The following DNAH8 variants were observed in gnomAD, a reference collection of about 807,000 sequenced individuals.
DNAH8 encodes axonemal beta dynein heavy chain 8.
DNAH8 carries 382 observed loss-of-function variants against 562.1 expected under a neutral mutation model. That is an observed-to-expected ratio of 0.68 (90% confidence interval 0.63 to 0.74). The LOEUF is 0.74. Among genes scored for constraint, DNAH8 ranks in the 30% least tolerant of loss-of-function variants. DNAH8 has a pLI of 0.00. For missense variants in DNAH8, 5,203 were observed against 5,620.4 expected, an observed-to-expected ratio of 0.93 and a Z score of 2.37; for synonymous variants, 1,881 against 1,919.4, an observed-to-expected ratio of 0.98 and a Z score of 0.52.
intron 7 of DNAH8, among the ~76,000 whole-genome samples, chr6:38,740,299 C>T (rs979392555): frequency 6.6e-6 from 1 of 152,124 alleles, no homozygotes; most frequent in African/African-American, 2.4e-5. Context: ...GAGAAAACTG[C>T]CATCTTTGTA....
chr6:38,784,390 T>C (rs1458159738), intron 17 of DNAH8, among the ~76,000 whole-genome samples: 1 of 152,182 alleles, frequency 6.6e-6, no homozygotes, highest in East Asian at 1.9e-4. Flanking sequence ...CTACCCCCAA[T>C]ACCCTTTCTC....
chr6:38,855,973 G>A (rs1454441972), intron 41 of DNAH8, among the ~76,000 whole-genome samples: 4 of 152,128 alleles, frequency 2.6e-5, no homozygotes, highest in Non-Finnish European at 5.9e-5. Flanking sequence ...TGTGACCCCC[G>A]TCCATGGAAA....
At chr6:38,925,328 TA>T (rs1782031245) in intron 73 of DNAH8, among the ~76,000 whole-genome samples, 7 of 133,620 alleles carry the variant, frequency 5.2e-5, no homozygotes, top group African/African-American at 1.8e-4. Context: ...TATTTTATTT[TA>T]TTTTATTTTA....
chr6:38,748,537 C>T (rs919904560), intron 8 of DNAH8, among the ~76,000 whole-genome samples: 39 of 152,060 alleles, frequency 2.6e-4, no homozygotes, highest in Non-Finnish European at 2.4e-4. Context: ...TTCATGCTCT[C>T]TTCATCTCTG....
Position 38,990,185 on chromosome 6 carries a change from C to A in DNAH8, c.13214+13C>A. 2 of 1,576,266 alleles carry A rather than the reference C, an allele frequency of 1.3e-6. No homozygotes were observed. The highest frequency in any genetic ancestry group is 2.7e-5 in the African/African-American group (2 of 73,378). On this transcript the variant is annotated intron_variant, in intron 88 of 92. Coordinates refer to ENST00000327475, the MANE Select transcript of DNAH8 (RefSeq NM_001206927.2). ...ATGCTGATATCACGTAAGTCCCTGG[C>A]ATTTTTTAATTTGAAGGGGTCATTT...
Position 38,868,145 on chromosome 6 carries a change from T to C in DNAH8, c.6777T>C (p.Ser2259=). The C allele has an allele frequency of 1.9e-6, 3 of 1,613,794 alleles. No homozygotes were observed. Among genetic ancestry groups the C allele is most frequent in the Middle Eastern group, 3.3e-4 (2 of 6,060 alleles). The stretch of plus-strand genomic sequence containing the variant: ...AAAAAAGAGCCAGACCAGAAGATAG[T>C]GAATTAAGCATTGTCATGAGAGGAC... The part of the protein sequence containing the change: ...GSQKRARPED[S]ELSIVMRGLR... Residue 2259 remains serine, a synonymous_variant, in exon 48 of 93, where the codon AGT becomes AGC. Transcript: ENST00000327475.
chr6:38,728,233 G>C (rs563267928), intron 3 of DNAH8, among the ~76,000 whole-genome samples: 4 of 152,262 alleles, frequency 2.6e-5, no homozygotes, highest in African/African-American at 9.6e-5. Context: ...CTCTCAAAGT[G>C]CTGGGATTAC....
chr6:38,969,243 A>T (rs527648386), intron 82 of DNAH8, among the ~76,000 whole-genome samples: 2 of 152,274 alleles, frequency 1.3e-5, no homozygotes, highest in Admixed American at 1.3e-4. Context: ...TAAAGTATAC[A>T]CTTTATAATG....
At chr6:38,901,875 G>T (rs896266388) in intron 62 of DNAH8, among the ~76,000 whole-genome samples, 1 of 152,104 alleles carries the variant, frequency 6.6e-6, no homozygotes, top group African/African-American at 2.4e-5. Flanking sequence ...AAATCGGGAG[G>T]TTTCATGTTT....
intron 28 of DNAH8, among the ~76,000 whole-genome samples, chr6:38,824,255 G>C (rs940413661): frequency 6.6e-6 from 1 of 152,158 alleles, no homozygotes; most frequent in African/African-American, 2.4e-5. Flanking sequence ...TCTCATACAG[G>C]GTGTCTGGGC....
intron 57 of DNAH8, among the ~76,000 whole-genome samples, chr6:38,889,151 A>G (rs887594762): frequency 6.6e-6 from 1 of 152,236 alleles, no homozygotes; most frequent in Non-Finnish European, 1.5e-5. Context: ...AAACTGGATA[A>G]ATACATCCTG....
At chr6:38,960,395 T>C (rs1762531465) in intron 82 of DNAH8, among the ~76,000 whole-genome samples, 2 of 142,106 alleles carry the variant, frequency 1.4e-5, no homozygotes, top group African/African-American at 5.1e-5. Context: ...GCAGAATATA[T>C]AAGTAACACA....
intron 87 of DNAH8, among the ~76,000 whole-genome samples, chr6:38,989,395 T>TAACA (rs1764631174): frequency 6.6e-6 from 1 of 152,220 alleles, no homozygotes; most frequent in Non-Finnish European, 1.5e-5. Flanking sequence ...ACTGTTTTGT[T>TAACA]AAAGATAATT....
intron 82 of DNAH8, among the ~76,000 whole-genome samples, chr6:38,960,999 G>T (rs188802968): frequency 6.6e-6 from 1 of 152,042 alleles, no homozygotes; most frequent in Admixed American, 6.5e-5. Flanking sequence ...ATACTATTCA[G>T]CCATAAAAAA....
rs532085688 is a variant in DNAH8, at chr6:38,797,222, C to T, written c.2901+5548C>T. Among the ~76,000 whole-genome samples the T allele has an allele frequency of 2.6e-5, 4 of 152,218 alleles. No individual in the cohort carries two copies. The East Asian group carries it at 7.8e-4, about 29-fold the overall frequency. On this transcript the variant is annotated intron_variant, in intron 21 of 92. Coordinates refer to ENST00000327475, the MANE Select transcript of DNAH8 (RefSeq NM_001206927.2). Reference sequence around the variant, plus strand: ...CAGCCTAGCCAACATGGCAAAGCCCCATCTCTACTAAAAGTATAAAAATTA... The same window carrying T: ...CAGCCTAGCCAACATGGCAAAGCCCTATCTCTACTAAAAGTATAAAAATTA...
intron 57 of DNAH8, among the ~76,000 whole-genome samples, chr6:38,890,348 G>GT (rs1779256207): frequency 6.6e-6 from 1 of 152,210 alleles, no homozygotes; most frequent in Admixed American, 6.5e-5. Flanking sequence ...TGCAAGCTGT[G>GT]TAACTTTGAG....
intron 82 of DNAH8, among the ~76,000 whole-genome samples, chr6:38,952,113 C>T (rs892904447): frequency 1.2e-4 from 19 of 152,192 alleles, no homozygotes; most frequent in Admixed American, 3.9e-4. Flanking sequence ...CAGAGCTACT[C>T]GGATTGCCTG....
chr6:38,973,769 A>G lies in DNAH8; in HGVS notation c.12634A>G (p.Ile4212Val), dbSNP rs922053613. 1.9e-6 allele frequency: 3 copies of G among 1,611,366 alleles called. No individual in the cohort carries two copies. The highest frequency in any genetic ancestry group is 2.5e-6 in the Non-Finnish European group (3 of 1,178,972). ...CAGTGATGATTCTTTCCGAGTATGG[A>G]TAACTACGGAGCCCCATGATCGATT... ...EASDDSFRVW[I>V]TTEPHDRFPI... Residue 4212 changes from isoleucine (I) to valine (V), a missense_variant, in exon 84 of 93, where the codon ATA (isoleucine) becomes GTA (valine). Ile to Val is a conservative substitution (Grantham distance 29). This residue lies in a region of DNAH8 where 1,399 missense variants were observed against 1,518.4 expected (regional missense o/e 0.92). Transcript: ENST00000327475.
At chr6:38,866,960 T>C (rs866053041) in intron 47 of DNAH8, 84 bp downstream of exon 47, 23 of 725,550 alleles carry the variant, frequency 3.2e-5, no homozygotes, top group South Asian at 3.0e-4. Flanking sequence ...TACTCATCAG[T>C]GAGTTAAAAT....
Sources: allele counts gnomAD v4.1 joint callset (sites outside exome capture counted in the v4.1 genomes callset), GRCh38; gene constraint gnomAD v4.1.1; regional missense constraint gnomAD v4.1.1; transcripts MANE v1.5; gene names NCBI Gene and HGNC (gene_info 2026-07-23, HGNC 2026-07-21).